SGK1: variants seen among roughly 807,000 people sequenced by gnomAD.
The protein encoded by SGK1 is serum/glucocorticoid regulated kinase 1, also known as serine/threonine-protein kinase Sgk1.
In SGK1, 26 loss-of-function variants were observed where a neutral mutation model predicts 64.2. The observed-to-expected ratio is 0.40, with a 90% CI of 0.30 to 0.56. SGK1 has a LOEUF of 0.56. Ranked by LOEUF, SGK1 falls within the 20% of genes least tolerant of loss-of-function variation. The probability of loss-of-function intolerance (pLI) is 0.38; values close to 1 mark genes in which losing one functional copy is unlikely to be tolerated. For synonymous variants in SGK1, 265 were observed against 239.7 expected (o/e 1.11, Z -0.98); for missense variants, 519 against 645.6 (o/e 0.80, Z 2.12).
At chr6:134,184,020 C>T (rs1582695390) in intron 3 of SGK1, among the ~76,000 whole-genome samples, 1 of 152,140 alleles carries the variant, frequency 6.6e-6, no homozygotes, top group African/African-American at 2.4e-5. Context: ...GCCTGCCCCT[C>T]TGACCTCTCC....
chr6:134,220,458 CGGAGTT>C (rs1374429982), intron 2 of SGK1, among the ~76,000 whole-genome samples: 3 of 152,084 alleles, frequency 2.0e-5, no homozygotes, highest in African/African-American at 7.2e-5. Flanking sequence ...TATTTTAGAG[CGGAGTT>C]GGTAGAAATA....
At chr6:134,171,790 A>T (rs1775035177) in intron 10 of SGK1, 58 bp from the exon 11 acceptor site, 1 of 1,121,668 alleles carries the variant, frequency 8.9e-7, no homozygotes, top group East Asian at 2.4e-5. Flanking sequence ...CAATCCCACG[A>T]CCACACATTT....
chr6:134,298,548 A>C, intron 1 of SGK1: 1 of 825,664 alleles, frequency 1.2e-6, no homozygotes, highest in South Asian at 1.4e-5. Context: ...GCCTCCACCC[A>C]GGCTACCCTG....
chr6:134,313,232 G>A (rs1777632419), intron 1 of SGK1, among the ~76,000 whole-genome samples: 1 of 152,132 alleles, frequency 6.6e-6, no homozygotes, highest in Non-Finnish European at 1.5e-5. Flanking sequence ...AGAGAGTCAA[G>A]GCTGGGCACA....
chr6:134,174,948 T>TTCGCCTCGCCCC (rs1214089034), intron 3 of SGK1: 4 of 1,441,194 alleles, frequency 2.8e-6, no homozygotes, highest in Non-Finnish European at 3.7e-6. Context: ...GGCCCCGCCC[T>TTCGCCTCGCCCC]TCGCCTCGCC....
At chr6:134,273,717 A>C (rs1297247224) in intron 1 of SGK1, among the ~76,000 whole-genome samples, 1 of 151,086 alleles carries the variant, frequency 6.6e-6, no homozygotes, top group Admixed American at 6.6e-5. Context: ...GAATCTGCTG[A>C]GATGAATAGA....
intron 2 of SGK1, among the ~76,000 whole-genome samples, chr6:134,227,206 C>T (rs1046905338): frequency 9.9e-5 from 15 of 152,080 alleles, no homozygotes; most frequent in Non-Finnish European, 2.1e-4. Flanking sequence ...ACAATCTCAA[C>T]TCACTGCAAC....
At chr6:134,196,253 A>G (rs1775592645) in intron 3 of SGK1, among the ~76,000 whole-genome samples, 1 of 151,816 alleles carries the variant, frequency 6.6e-6, no homozygotes, top group Non-Finnish European at 1.5e-5. Flanking sequence ...TTAAAAAGAG[A>G]TGGGGTCTCA....
At chr6:134,264,398 C>T (rs547012199) in intron 1 of SGK1, among the ~76,000 whole-genome samples, 1 of 152,184 alleles carries the variant, frequency 6.6e-6, no homozygotes, top group South Asian at 2.1e-4. Context: ...GTATTACAGG[C>T]TTGAGCCACT....
intron 1 of SGK1, among the ~76,000 whole-genome samples, chr6:134,271,044 C>T (rs1448501328): frequency 2.7e-5 from 4 of 147,060 alleles, no homozygotes; most frequent in South Asian, 2.2e-4. Context: ...CTGCCAGGTG[C>T]GGTGGCTCAT....
At chr6:134,268,829 C>A (rs1348657628) in intron 1 of SGK1, among the ~76,000 whole-genome samples, 1 of 146,060 alleles carries the variant, frequency 6.8e-6, no homozygotes, top group African/African-American at 2.5e-5. Flanking sequence ...CCGGGGTGAA[C>A]CAGTAAGGCC....
At chr6:134,296,496 T>C (rs1201858433) in intron 1 of SGK1, among the ~76,000 whole-genome samples, 1 of 152,066 alleles carries the variant, frequency 6.6e-6, no homozygotes, top group Non-Finnish European at 1.5e-5. Flanking sequence ...TGCTCACCAC[T>C]ACACTGCCAA....
chr6:134,298,226 T>A, intron 1 of SGK1: 1 of 1,570,514 alleles, frequency 6.4e-7, no homozygotes, highest in Non-Finnish European at 8.7e-7. Context: ...AGCTTCAGCT[T>A]CTCCTGGCCC....
intron 2 of SGK1, among the ~76,000 whole-genome samples, chr6:134,222,914 G>C (rs1776112867): frequency 6.6e-6 from 1 of 152,136 alleles, no homozygotes; most frequent in African/African-American, 2.4e-5. Context: ...AAAGGGAGTA[G>C]GGAGACTGGG....
intron 3 of SGK1, among the ~76,000 whole-genome samples, chr6:134,206,847 A>G (rs1475642299): frequency 1.3e-5 from 2 of 149,202 alleles, no homozygotes; most frequent in Non-Finnish European, 3.0e-5. Context: ...AGCCTGGGCG[A>G]CAGAGCAAGA....
At chr6:134,266,921 T>C (rs1451145773) in intron 1 of SGK1, among the ~76,000 whole-genome samples, 3 of 152,188 alleles carry the variant, frequency 2.0e-5, no homozygotes, top group Non-Finnish European at 4.4e-5. Flanking sequence ...CTGGTAACTG[T>C]TCTTGCTTTG....
At chr6:134,247,462 A>G (rs1776541615) in intron 2 of SGK1, among the ~76,000 whole-genome samples, 1 of 152,186 alleles carries the variant, frequency 6.6e-6, no homozygotes, top group African/African-American at 2.4e-5. Flanking sequence ...AATGGCATTC[A>G]CCACTTCTGA....
intron 1 of SGK1, among the ~76,000 whole-genome samples, chr6:134,296,272 TATC>T (rs1402786748): frequency 6.6e-6 from 1 of 152,154 alleles, no homozygotes; most frequent in Non-Finnish European, 1.5e-5. Flanking sequence ...TCATTTTGTT[TATC>T]ATATTATTGT....
At chr6:134,177,134 A>G (rs1775253964) in intron 3 of SGK1, among the ~76,000 whole-genome samples, 1 of 152,100 alleles carries the variant, frequency 6.6e-6, no homozygotes, top group South Asian at 2.1e-4. Context: ...GAATCGCTTG[A>G]ACCCGGGAGG....
Sources: gnomAD v4.1 joint callset for allele counts (sites outside exome capture counted in the v4.1 genomes callset) on GRCh38, gnomAD v4.1.1 for gene constraint, MANE v1.5 for transcripts, NCBI Gene and HGNC (gene_info 2026-07-23, HGNC 2026-07-21) for gene names.